The following IL1R2 variants were observed in gnomAD, a reference collection of about 807,000 sequenced individuals.
The protein encoded by IL1R2 is interleukin-1 receptor type 2.
IL1R2 carries 46 observed loss-of-function variants against 39.5 expected under a neutral mutation model. The observed-to-expected ratio is 1.16, with a 90% CI of 0.92 to 1.49. The LOEUF is 1.49. Among genes scored for constraint, IL1R2 ranks in the 40% most tolerant of loss-of-function variants. IL1R2 has a pLI of 0.00. For missense variants in IL1R2, 537 were observed against 502.0 expected (o/e 1.07, Z -0.67); for synonymous variants, 207 against 189.6 (o/e 1.09, Z -0.75).
In IL1R2 at chr2:102,004,289, G is replaced by A. The variant is rs114972292; in HGVS notation, c.-61-4226G>A. The stretch of plus-strand genomic sequence containing the variant: ...AGCTGCAGACACCTGGGAATCAAAG[G>A]CAGGTAACGGTTACCTGGGCCTCAG... On this transcript the variant is annotated intron_variant, in intron 1 of 8. Transcript: ENST00000332549. Among the ~76,000 whole-genome samples, 1,491 of 152,150 alleles carry A rather than the reference G, an allele frequency of 9.8e-3. 34 individuals are homozygous for A. The highest frequency in any genetic ancestry group is 0.034 in the African/African-American group (1,399 of 41,504).
At chr2:102,006,197 T>A (rs1341601164) in intron 1 of IL1R2, among the ~76,000 whole-genome samples, 1 of 152,102 alleles carries the variant, frequency 6.6e-6, no homozygotes, top group Non-Finnish European at 1.5e-5. Context: ...CTTGGACCAG[T>A]ATAGTTGGGG....
intron 3 of IL1R2, 79 bp downstream of exon 3, chr2:102,009,905 T>C (rs1191654843): frequency 1.3e-6 from 2 of 1,490,808 alleles, no homozygotes; most frequent in South Asian, 2.4e-5. Context: ...ATGATCCGGA[T>C]CTCAGAATCC....
At chr2:102,005,898 G>A (rs528656893) in intron 1 of IL1R2, among the ~76,000 whole-genome samples, 1 of 152,206 alleles carries the variant, frequency 6.6e-6, no homozygotes, top group Non-Finnish European at 1.5e-5. Context: ...CACCAGTGCT[G>A]GGTTTAAATT....
At chr2:102,000,308 A>G (rs981619457) in intron 1 of IL1R2, among the ~76,000 whole-genome samples, 1 of 152,162 alleles carries the variant, frequency 6.6e-6, no homozygotes, top group African/African-American at 2.4e-5. Context: ...AGATGAGGAG[A>G]CTGAGCCTCA....
At chr2:102,020,967 C>A (rs1167767849) in intron 5 of IL1R2, among the ~76,000 whole-genome samples, 3 of 152,200 alleles carry the variant, frequency 2.0e-5, no homozygotes, top group Non-Finnish European at 4.4e-5. Flanking sequence ...GGGCTGTCAT[C>A]TGTGTCTCAC....
At chr2:102,002,342 G>C (rs1675910173) in intron 1 of IL1R2, among the ~76,000 whole-genome samples, 2 of 75,684 alleles carry the variant, frequency 2.6e-5, no homozygotes, top group South Asian at 5.3e-4. Context: ...GTCTGTGTCT[G>C]CGGGTGTGTC....
At chr2:102,026,303 GTTCCATGGATAC>G in intron 8 of IL1R2, 50 bp downstream of exon 8, 1 of 1,396,720 alleles carries the variant, frequency 7.2e-7, no homozygotes, top group Non-Finnish European at 9.8e-7. Flanking sequence ...CATGTTGAAT[GTTCCATGGATAC>G]TAGACAAATC....
At chr2:101,994,437 C>T (rs1029585887) in intron 1 of IL1R2, among the ~76,000 whole-genome samples, 2 of 152,212 alleles carry the variant, frequency 1.3e-5, no homozygotes, top group African/African-American at 4.8e-5. Flanking sequence ...GGGAGACACT[C>T]GATCATGACA....
At chr2:102,007,853 G>A (rs1676361480) in intron 1 of IL1R2, among the ~76,000 whole-genome samples, 1 of 152,172 alleles carries the variant, frequency 6.6e-6, no homozygotes, top group Admixed American at 6.5e-5. Context: ...AACATAGAGT[G>A]GCTACCTGTG....
chr2:102,011,167 T>G (rs769349798), intron 3 of IL1R2, among the ~76,000 whole-genome samples: 1 of 152,244 alleles, frequency 6.6e-6, no homozygotes, highest in Non-Finnish European at 1.5e-5. Context: ...ACTTGCTTCC[T>G]CCTTTCAGCT....
intron 3 of IL1R2, among the ~76,000 whole-genome samples, chr2:102,014,210 C>A (rs1676846179): frequency 6.6e-6 from 1 of 152,162 alleles, no homozygotes; most frequent in African/African-American, 2.4e-5. Context: ...TGCTGGGCTT[C>A]CCATTTTGGT....
At chr2:102,023,158 C>A (rs988407514) in intron 6 of IL1R2, among the ~76,000 whole-genome samples, 1 of 152,220 alleles carries the variant, frequency 6.6e-6, no homozygotes, top group African/African-American at 2.4e-5. Flanking sequence ...TTTTAAAAAA[C>A]AATTTATTTG....
chr2:102,017,094 GTT>G (rs765361458), intron 4 of IL1R2, among the ~76,000 whole-genome samples: 1 of 152,040 alleles, frequency 6.6e-6, no homozygotes, highest in Non-Finnish European at 1.5e-5. Flanking sequence ...TATTAAAGGA[GTT>G]TTTTTAAAAA....
intron 2 of IL1R2, 118 bp from the exon 3 acceptor site, chr2:102,009,444 T>C: frequency 8.6e-7 from 1 of 1,156,270 alleles, no homozygotes; most frequent in Non-Finnish European, 1.2e-6. Flanking sequence ...ATGACATCTT[T>C]CTCAAATGTG....
intron 1 of IL1R2, among the ~76,000 whole-genome samples, chr2:102,006,698 AG>A (rs1676284105): frequency 6.6e-6 from 1 of 152,190 alleles, no homozygotes; most frequent in African/African-American, 2.4e-5. Flanking sequence ...GTGGGCCATG[AG>A]GGCTGTGAGC....
chr2:102,017,525 C>G lies in IL1R2; in HGVS notation c.513+1474C>G, dbSNP rs548456294. Among the ~76,000 whole-genome samples the G allele has an allele frequency of 6.6e-5, 10 of 152,054 alleles. 1 individual carries two copies. The South Asian group carries it at 2.1e-3, about 32-fold the overall frequency. On this transcript the variant is annotated intron_variant, in intron 4 of 8. Transcript: ENST00000332549. Reference sequence around the variant, plus strand: ...TGCTCATTGCTCCTAGTGAGAACATCAGATATTGTCATTAGATATTGCTTA... The same window carrying G: ...TGCTCATTGCTCCTAGTGAGAACATGAGATATTGTCATTAGATATTGCTTA...
chr2:101,997,964 C>A (rs1285633377), intron 1 of IL1R2, among the ~76,000 whole-genome samples: 3 of 152,216 alleles, frequency 2.0e-5, no homozygotes, highest in Non-Finnish European at 2.9e-5. Flanking sequence ...CAGGAAGGAA[C>A]TTCCCCTGCA....
intron 1 of IL1R2, among the ~76,000 whole-genome samples, chr2:102,002,790 C>CTATATCTA (rs1457530950): frequency 7.3e-6 from 1 of 137,450 alleles, no homozygotes; most frequent in Non-Finnish European, 1.5e-5. Context: ...ATATCTATAT[C>CTATATCTA]TGTATCTATA....
chr2:102,016,181 T>C (rs1676992602), intron 4 of IL1R2, 130 bp downstream of exon 4: 2 of 685,532 alleles, frequency 2.9e-6, no homozygotes, highest in African/African-American at 1.8e-5. Flanking sequence ...ACACATGGTT[T>C]GCCTTTCATA....
Sources: allele counts gnomAD v4.1 joint callset (sites outside exome capture counted in the v4.1 genomes callset), GRCh38; gene constraint gnomAD v4.1.1; transcripts MANE v1.5; gene names NCBI Gene and HGNC (gene_info 2026-07-23, HGNC 2026-07-21).